Variants in SYN3 observed in about 807,000 individuals in gnomAD.
SYN3 encodes synapsin-3.
A neutral mutation model predicts 65.8 loss-of-function variants in SYN3; 35 were observed. The observed-to-expected ratio is 0.53, with a 90% CI of 0.41 to 0.70. The LOEUF (loss-of-function observed/expected upper bound fraction) is 0.70, where lower values mean the gene tolerates loss of function less well. SYN3 is among the 30% of genes least tolerant of loss of function. The pLI, the probability that SYN3 is intolerant of heterozygous loss-of-function variation, is 0.00. For missense variants in SYN3, 680 were observed against 749.0 expected, an observed-to-expected ratio of 0.91 and a Z score of 1.08; for synonymous variants, 270 against 292.9, an observed-to-expected ratio of 0.92 and a Z score of 0.80.
chr22:32,702,356 T>C (rs1173157482), intron 6 of SYN3, among the ~76,000 whole-genome samples: 1 of 152,146 alleles, frequency 6.6e-6, no homozygotes, highest in African/African-American at 2.4e-5. Flanking sequence ...CGGGTGCCTG[T>C]AGTCCCAGCT....
At chr22:32,778,166 CT>C (rs904527239) in intron 6 of SYN3, among the ~76,000 whole-genome samples, 1 of 152,238 alleles carries the variant, frequency 6.6e-6, no homozygotes, top group African/African-American at 2.4e-5. Context: ...GCAGATAAGT[CT>C]GTGCCTTTCA....
intron 7 of SYN3, among the ~76,000 whole-genome samples, chr22:32,591,382 C>T (rs1317679290): frequency 2.0e-5 from 3 of 152,188 alleles, no homozygotes; most frequent in Non-Finnish European, 2.9e-5. Flanking sequence ...GGACAACCAT[C>T]TCAATAGAAA....
Position 32,801,803 on chromosome 22 carries a change from TCCTGCGCCAG to T in SYN3, c.711+63102_711+63111del. 6.2e-6 allele frequency: 3 copies of T among 483,096 alleles called. No homozygotes were observed. Among genetic ancestry groups the T allele is most frequent in the Non-Finnish European group, 8.9e-6 (3 of 335,910 alleles). The allele number at this position is 483,096 out of a possible 1,614,324, so 29.9% of individuals were successfully genotyped here. On this transcript the variant is annotated intron_variant, in intron 6 of 13. Coordinates refer to ENST00000358763, the MANE Select transcript of SYN3 (RefSeq NM_003490.4). The surrounding 1 kb of genome is among the most constrained non-coding windows in gnomAD (Gnocchi z 4.7). ...CTTCGCCGGGAGGCCGCCCGCCGAG[TCCTGCGCCAG>T]CGCCGAGGCAGCCTCGCTGCGCCCC... is the stretch of plus-strand genomic sequence containing the variant.
chr22:32,997,251 C>T (rs2052908024), intron 2 of SYN3, among the ~76,000 whole-genome samples: 2 of 152,192 alleles, frequency 1.3e-5, no homozygotes, highest in Admixed American at 1.3e-4. Flanking sequence ...ATTAGAGAAT[C>T]TATGAAAGCC....
intron 6 of SYN3, among the ~76,000 whole-genome samples, chr22:32,665,489 GTA>G (rs130731): frequency 0.31 from 43,354 of 140,946 alleles, 6,966 homozygotes; most frequent in Middle Eastern, 0.4. Flanking sequence ...CACAGTGTGT[GTA>G]TATATATATA....
chr22:32,608,909 C>A (rs1310918856), intron 6 of SYN3, among the ~76,000 whole-genome samples: 1 of 152,214 alleles, frequency 6.6e-6, no homozygotes, highest in African/African-American at 2.4e-5. Flanking sequence ...ACAACTCCCC[C>A]TCCTTCAAAT....
At chr22:32,538,808 A>G (rs910010051) in intron 8 of SYN3, among the ~76,000 whole-genome samples, 1 of 152,124 alleles carries the variant, frequency 6.6e-6, no homozygotes, top group East Asian at 1.9e-4. Flanking sequence ...TACGCCCTAC[A>G]CTAATGCTCA....
rs559362045 is a variant in SYN3 at position 33,045,754 on chromosome 22, C to T, written c.-163+12538G>A. On this transcript the variant is annotated intron_variant, in intron 1 of 13. Coordinates refer to ENST00000358763, the MANE Select transcript of SYN3 (RefSeq NM_003490.4). ...TGGGCCTACTTTCAAAAAAGAAATT[C>T]TTTTTTAACCACTTCTCACTTCTTT... Among the ~76,000 whole-genome samples, 91 of 152,064 alleles carry T rather than the reference C, an allele frequency of 6.0e-4. 1 individual carries two copies. In the Middle Eastern group the frequency reaches 0.014, roughly 23 times the overall value.
chr22:32,846,440 A>G (rs1265937741), intron 6 of SYN3, among the ~76,000 whole-genome samples: 1 of 152,262 alleles, frequency 6.6e-6, no homozygotes, highest in Non-Finnish European at 1.5e-5. Context: ...TGGAATAAAA[A>G]TAGACATCAC....
chr22:32,612,764 C>G (rs2059463131), intron 6 of SYN3, among the ~76,000 whole-genome samples: 1 of 152,134 alleles, frequency 6.6e-6, no homozygotes, highest in Non-Finnish European at 1.5e-5. Flanking sequence ...ATCACTTGAG[C>G]CCAGGAATTG....
rs200290070 is a variant in SYN3 at position 32,694,639 on chromosome 22, G to T, written c.712-97903C>A. On this transcript the variant is annotated intron_variant, in intron 6 of 13. Coordinates refer to ENST00000358763, the MANE Select transcript of SYN3 (RefSeq NM_003490.4). ...TCTCAGGATATGAAATCGTGTACAG[G>T]CAGGACCAACTTTTTGTATCCACGG... Among the ~76,000 whole-genome samples, 13 of 152,276 alleles carry T rather than the reference G, an allele frequency of 8.5e-5. No individual in the cohort carries two copies. The East Asian group carries it at 2.3e-3, about 27-fold the overall frequency.
rs200597538 is a variant in SYN3 at position 32,531,565 on chromosome 22, C to CAAG, written c.1095+2225_1095+2227dup. Among the ~76,000 whole-genome samples the CAAG allele has an allele frequency of 5.7e-4, 87 of 152,288 alleles. 2 individuals are homozygous for CAAG. In the East Asian group the frequency reaches 0.017, roughly 29 times the overall value. On this transcript the variant is annotated intron_variant, in intron 10 of 13. Transcript: ENST00000358763. ...CGGACAAGGTCAGAGAGGACAAGTT[C>CAAG]AAGGGTCTTTTCCCCTGAGTATTTC...
At chr22:32,948,863 T>G (rs1044298527) in intron 3 of SYN3, among the ~76,000 whole-genome samples, 8 of 148,982 alleles carry the variant, frequency 5.4e-5, no homozygotes, top group African/African-American at 2.0e-4. Context: ...TTAAATGTTT[T>G]TCATTAAATG....
At chr22:32,964,698 T>C (rs1601801230) in intron 3 of SYN3, among the ~76,000 whole-genome samples, 1 of 152,266 alleles carries the variant, frequency 6.6e-6, no homozygotes, top group South Asian at 2.1e-4. Context: ...GGACGAAATA[T>C]GTTGAAAAGT....
At chr22:32,641,942 C>A (rs1325438888) in intron 6 of SYN3, among the ~76,000 whole-genome samples, 2 of 152,162 alleles carry the variant, frequency 1.3e-5, no homozygotes, top group Non-Finnish European at 2.9e-5. Context: ...AAGATGGAAA[C>A]TCCCATATTT....
intron 7 of SYN3, among the ~76,000 whole-genome samples, chr22:32,550,091 A>T (rs1380978565): frequency 6.6e-6 from 1 of 152,168 alleles, no homozygotes; most frequent in Non-Finnish European, 1.5e-5. Flanking sequence ...ATTTCCTGAA[A>T]ACAGAAAACA....
intron 6 of SYN3, among the ~76,000 whole-genome samples, chr22:32,838,892 C>T (rs568389568): frequency 9.9e-5 from 15 of 151,798 alleles, no homozygotes; most frequent in South Asian, 2.1e-4. Context: ...CCCTGCCATC[C>T]GGTAATTAGC....
At chr22:33,010,533 C>G (rs1211903931) in intron 1 of SYN3, among the ~76,000 whole-genome samples, 1 of 152,166 alleles carries the variant, frequency 6.6e-6, no homozygotes. Context: ...CCACTGATCT[C>G]TCTGTCTATT....
chr22:33,041,294 CT>C (rs531793626), intron 1 of SYN3, among the ~76,000 whole-genome samples: 6,653 of 129,228 alleles, frequency 0.051, 457 homozygotes, highest in African/African-American at 0.17. Flanking sequence ...GGAACTCTTT[CT>C]TTTTTTTTTT....
Sources: allele counts gnomAD v4.1 joint callset (sites outside exome capture counted in the v4.1 genomes callset), GRCh38; gene constraint gnomAD v4.1.1; non-coding constraint Gnocchi (gnomAD v3.1); transcripts MANE v1.5; gene names NCBI Gene and HGNC (gene_info 2026-07-23, HGNC 2026-07-21).